SP3: variants seen among roughly 807,000 people sequenced by gnomAD.
The protein encoded by SP3 is Sp3 transcription factor.
A neutral mutation model predicts 70.3 loss-of-function variants in SP3; 10 were observed. The ratio of observed to expected loss-of-function variants is 0.14; its 90% CI spans 0.09 to 0.24. The LOEUF (loss-of-function observed/expected upper bound fraction) is 0.24, where lower values mean the gene tolerates loss of function less well. Among genes scored for constraint, SP3 ranks in the 10% least tolerant of loss-of-function variants. SP3 has a pLI of 1.00. For synonymous variants in SP3, 402 were observed against 333.5 expected (o/e 1.21, Z -2.24); for missense variants, 825 against 914.6 (o/e 0.90, Z 1.26).
chr2:173,953,420 G>A (rs535781861), intron 4 of SP3, among the ~76,000 whole-genome samples: 2 of 152,182 alleles, frequency 1.3e-5, no homozygotes, highest in East Asian at 3.9e-4. Flanking sequence ...GGTGGCTCAC[G>A]CCTGTAATCC....
intron 6 of SP3, among the ~76,000 whole-genome samples, chr2:173,911,074 A>C (rs1344276964): frequency 6.6e-6 from 1 of 152,222 alleles, no homozygotes; most frequent in Non-Finnish European, 1.5e-5. Context: ...CTTAGCTTGT[A>C]TCCTTTGTTC....
chr2:173,917,991 T>G (rs1321025381), intron 5 of SP3, among the ~76,000 whole-genome samples: 1 of 143,522 alleles, frequency 7.0e-6, no homozygotes, highest in Non-Finnish European at 1.6e-5. Flanking sequence ...CTGGATCTTG[T>G]TTTTTTTTTT....
chr2:173,925,645 C>T (rs1689892038), intron 4 of SP3, among the ~76,000 whole-genome samples: 1 of 152,034 alleles, frequency 6.6e-6, no homozygotes, highest in East Asian at 1.9e-4. Context: ...ATTTTAGGAA[C>T]CTAATGGATA....
rs140035507 is a variant in SP3 at position 173,942,906 on chromosome 2, C to T, written c.1639+11967G>A. On this transcript the variant is annotated intron_variant, in intron 4 of 6. Coordinates refer to ENST00000310015, the MANE Select transcript of SP3 (RefSeq NM_003111.5). ...AAAATATAAAATTTAAAATACAGTA[C>T]AACTATATATATAGCATTTACATTA... is the stretch of plus-strand genomic sequence containing the variant. Among the ~76,000 whole-genome samples, 901 of 152,084 alleles carry T rather than the reference C, an allele frequency of 5.9e-3. 3 individuals carry two copies. The highest frequency in any genetic ancestry group is 9.4e-3 in the Non-Finnish European group (639 of 67,994).
rs1689198486 is a variant in SP3, at chr2:173,901,978, G to GC, written c.*7962dup. Among the ~76,000 whole-genome samples the GC allele has an allele frequency of 6.6e-6, 1 of 152,136 alleles. No homozygotes were observed. Among genetic ancestry groups the GC allele is most frequent in the South Asian group, 2.1e-4 (1 of 4,826 alleles). ...GCTGGGACCACAGGCATGAGCCACT[G>GC]CCCCCGGCCAAGCCTTCTTTTCAAT... is the stretch of plus-strand genomic sequence containing the variant. On this transcript the variant is annotated 3_prime_UTR_variant, in exon 7 of 7. Transcript: ENST00000310015.
chr2:173,945,963 T>C (rs1353436592), intron 4 of SP3, among the ~76,000 whole-genome samples: 1 of 151,900 alleles, frequency 6.6e-6, no homozygotes, highest in Admixed American at 6.6e-5. Flanking sequence ...CCATCTCTAC[T>C]AAAAAACACA....
At chr2:173,916,973 TA>T (rs1689632308) in intron 5 of SP3, 1 of 152,110 alleles carries the variant, frequency 6.6e-6, no homozygotes, top group South Asian at 2.1e-4. Context: ...AACAGACATA[TA>T]AAACAGTGAG....
At chr2:173,953,271 T>C (rs1690771824) in intron 4 of SP3, among the ~76,000 whole-genome samples, 2 of 152,242 alleles carry the variant, frequency 1.3e-5, no homozygotes, top group South Asian at 4.1e-4. Context: ...CCACCACCAC[T>C]GAAAGTGTCA....
At chr2:173,958,458 C>G (rs1398600794) in intron 3 of SP3, among the ~76,000 whole-genome samples, 1 of 151,448 alleles carries the variant, frequency 6.6e-6, no homozygotes, top group Non-Finnish European at 1.5e-5. Context: ...TTTTTCTCAG[C>G]AATTCAGGCC....
intron 4 of SP3, 148 bp from the exon 5 acceptor site, chr2:173,918,933 TCTAA>T (rs532905454): frequency 7.8e-6 from 5 of 640,464 alleles, no homozygotes; most frequent in South Asian, 2.3e-5. Context: ...TTGTTCCTCA[TCTAA>T]CTAACCTCTA....
chr2:173,964,388 G>A lies in SP3; in HGVS notation c.156+17C>T, dbSNP rs755618058. On this transcript the variant is annotated intron_variant, in intron 2 of 6. Transcript: ENST00000310015. ...GGCGCGAGGGGGGAGCCGGGCCGGG[G>A]TTCAGCCGCTCCTCACCTGGGCCGC... 1.3e-5 allele frequency: 9 copies of A among 700,898 alleles called. No individual in the cohort carries two copies. Among genetic ancestry groups the A allele is most frequent in the South Asian group, 4.5e-5 (3 of 67,350 alleles). 43.4% of individuals were successfully genotyped at this position (700,898 alleles called of 1,614,324 possible).
chr2:173,925,228 T>C (rs1364704030), intron 4 of SP3, among the ~76,000 whole-genome samples: 4 of 152,204 alleles, frequency 2.6e-5, no homozygotes, highest in African/African-American at 9.6e-5. Flanking sequence ...AATATTCTAT[T>C]GTATGTATAT....
At chr2:173,961,926 A>G (rs1346537321) in intron 3 of SP3, among the ~76,000 whole-genome samples, 1 of 125,562 alleles carries the variant, frequency 8.0e-6, no homozygotes, top group Non-Finnish European at 1.6e-5. Context: ...TCATAAATAT[A>G]TGGTTTGGGT....
At position 173,902,862 on chromosome 2, in the gene SP3, CAAATG is replaced by C. The variant is rs1689215068; in HGVS notation, c.*7074_*7078del. On this transcript the variant is annotated 3_prime_UTR_variant, in exon 7 of 7. Transcript: ENST00000310015. ...AATTACTTATGTGGGTAAAGGGAGA[CAAATG>C]AAATGAGACAGGGCTATACAGATTT... Among the ~76,000 whole-genome samples, 1 of 151,982 alleles carries C rather than the reference CAAATG, an allele frequency of 6.6e-6. No individual in the cohort carries two copies. Among genetic ancestry groups the C allele is most frequent in the African/African-American group, 2.4e-5 (1 of 41,360 alleles).
chr2:173,902,333 T>C lies in SP3; in HGVS notation c.*7608A>G, dbSNP rs1294747701. ...AAAAACATATCTGCCAAGGCAGGAT[T>C]GGGAGGGTATGGAAAAAATGTGAAC... On this transcript the variant is annotated 3_prime_UTR_variant, in exon 7 of 7. Transcript: ENST00000310015. Among the ~76,000 whole-genome samples the C allele has an allele frequency of 2.0e-5, 3 of 152,204 alleles. No individual in the cohort carries two copies. The highest frequency in any genetic ancestry group is 2.9e-5 in the Non-Finnish European group (2 of 68,022).
chr2:173,963,934 G>A, intron 2 of SP3, 51 bp from the exon 3 acceptor site: 1 of 1,316,520 alleles, frequency 7.6e-7, no homozygotes, highest in South Asian at 1.5e-5. Flanking sequence ...GGGGGTGGCG[G>A]TTAGGGTCGG....
rs189697679 is a variant in SP3, at chr2:173,920,722, C to T, written c.1640-1937G>A. ...TCTCCTGCCTCAGCCTCCCGAGTAG[C>T]TGGGATTACAGGTGCCCGCCACCAT... On this transcript the variant is annotated intron_variant, in intron 4 of 6. Coordinates refer to ENST00000310015, the MANE Select transcript of SP3 (RefSeq NM_003111.5). Among the ~76,000 whole-genome samples, 984 of 152,186 alleles carry T rather than the reference C, an allele frequency of 6.5e-3. 16 individuals carry two copies. Among genetic ancestry groups the T allele is most frequent in the East Asian group, 0.037 (194 of 5,178 alleles).
At chr2:173,932,854 T>TGGC (rs1410642112) in intron 4 of SP3, among the ~76,000 whole-genome samples, 5 of 151,928 alleles carry the variant, frequency 3.3e-5, no homozygotes, top group Admixed American at 2.0e-4. Flanking sequence ...TAGCCAGGCT[T>TGGC]GGCGGTGGGG....
rs1279382456 is a variant in SP3, at chr2:173,908,593, A to G, written c.*1348T>C. ...CTGTTATAATACACTTTAAACGTAC[A>G]ATAAGGTAGCCTTTAAATTTGAGGT... On this transcript the variant is annotated 3_prime_UTR_variant, in exon 7 of 7. Transcript: ENST00000310015. The G allele has an allele frequency of 6.6e-6, 1 of 152,492 alleles. No individual in the cohort carries two copies. The highest frequency in any genetic ancestry group is 2.4e-5 in the African/African-American group (1 of 41,452). The allele number at this position is 152,492 out of a possible 1,614,324, so 9.4% of individuals were successfully genotyped here.
Sources: gnomAD v4.1 joint callset for allele counts (sites outside exome capture counted in the v4.1 genomes callset) on GRCh38, gnomAD v4.1.1 for gene constraint, MANE v1.5 for transcripts, NCBI Gene and HGNC (gene_info 2026-07-23, HGNC 2026-07-21) for gene names.